The following GPR158 variants were observed in gnomAD, a reference collection of about 807,000 sequenced individuals.
GPR158 encodes the protein G protein-coupled receptor 158.
A neutral mutation model predicts 78.2 loss-of-function variants in GPR158; 30 were observed. The observed-to-expected ratio is 0.38, with a 90% CI of 0.29 to 0.52. The LOEUF (loss-of-function observed/expected upper bound fraction) is 0.52. Ranked by LOEUF, GPR158 falls within the 20% of genes least tolerant of loss-of-function variation. The pLI, the probability that GPR158 is intolerant of heterozygous loss-of-function variation, is 0.83. For missense variants in GPR158, 1,463 were observed against 1,523.5 expected, an observed-to-expected ratio of 0.96 and a Z score of 0.66; for synonymous variants, 581 against 591.1, an observed-to-expected ratio of 0.98 and a Z score of 0.25.
In GPR158 at chr10:25,196,229, TA is replaced by T. The variant is rs914573569; in HGVS notation, c.902+19917del. Among the ~76,000 whole-genome samples, 235 of 149,560 alleles carry T rather than the reference TA, an allele frequency of 1.6e-3. 1 individual carries two copies. The highest frequency in any genetic ancestry group is 6.8e-3 in the Middle Eastern group (2 of 294). Reference sequence around the variant, plus strand: ...TTAACTTTTCTTTCATTTTCTCCTTTAAAAAAAAAACTTCTGAGAGATTTTA... The same window carrying T: ...TTAACTTTTCTTTCATTTTCTCCTTTAAAAAAAAACTTCTGAGAGATTTTA... On this transcript the variant is annotated intron_variant, in intron 1 of 10. Coordinates refer to ENST00000376351, the MANE Select transcript of GPR158 (RefSeq NM_020752.3).
At chr10:25,191,002 C>G (rs573495286) in intron 1 of GPR158, among the ~76,000 whole-genome samples, 22 of 152,232 alleles carry the variant, frequency 1.4e-4, no homozygotes, top group African/African-American at 4.1e-4. Flanking sequence ...ATAAGGTAAA[C>G]TTTTAGGATG....
chr10:25,335,423 T>A (rs1409605626), intron 2 of GPR158, among the ~76,000 whole-genome samples: 3 of 152,118 alleles, frequency 2.0e-5, no homozygotes, highest in Non-Finnish European at 4.4e-5. Flanking sequence ...AATAACTTGT[T>A]GACTTTTATA....
chr10:25,414,424 A>G (rs1484126146), intron 4 of GPR158, among the ~76,000 whole-genome samples: 1 of 152,172 alleles, frequency 6.6e-6, no homozygotes, highest in East Asian at 1.9e-4. Context: ...TAAATTAAAC[A>G]TTATCTAGTT....
At chr10:25,481,051 CA>C (rs900811578) in intron 5 of GPR158, among the ~76,000 whole-genome samples, 3 of 152,184 alleles carry the variant, frequency 2.0e-5, no homozygotes, top group East Asian at 3.9e-4. Flanking sequence ...GGCAACACAG[CA>C]AAATAAATAA....
At chr10:25,323,527 G>GTT (rs1854985928) in intron 2 of GPR158, among the ~76,000 whole-genome samples, 1 of 144,750 alleles carries the variant, frequency 6.9e-6, no homozygotes, top group Middle Eastern at 3.4e-3. Flanking sequence ...ATCTTAGGTA[G>GTT]ATTTTTTTTT....
chr10:25,286,827 C>T (rs1241493391), intron 2 of GPR158, among the ~76,000 whole-genome samples: 2 of 152,068 alleles, frequency 1.3e-5, no homozygotes, highest in African/African-American at 4.8e-5. Context: ...ACCAGCTTGC[C>T]ATTTCAGTAG....
At chr10:25,296,778 C>T (rs1264267614) in intron 2 of GPR158, among the ~76,000 whole-genome samples, 1 of 152,112 alleles carries the variant, frequency 6.6e-6, no homozygotes, top group Non-Finnish European at 1.5e-5. Flanking sequence ...AGGAAAGTGA[C>T]ACAGAGGGGC....
intron 5 of GPR158, among the ~76,000 whole-genome samples, chr10:25,533,778 T>G (rs765072384): frequency 3.3e-5 from 5 of 152,108 alleles, no homozygotes. Flanking sequence ...ACTCTGTCCT[T>G]CCTTTGTAAA....
At chr10:25,216,135 T>C (rs1373944258) in intron 1 of GPR158, among the ~76,000 whole-genome samples, 1 of 152,194 alleles carries the variant, frequency 6.6e-6, no homozygotes, top group African/African-American at 2.4e-5. Context: ...AGCATAGATT[T>C]AGAGTTTTTA....
chr10:25,414,258 G>A (rs145622025), intron 4 of GPR158, among the ~76,000 whole-genome samples: 9 of 152,182 alleles, frequency 5.9e-5, no homozygotes, highest in South Asian at 2.1e-4. Context: ...TAGCATTGCC[G>A]GTTATTAAAC....
At chr10:25,211,803 T>C (rs1853134987) in intron 1 of GPR158, among the ~76,000 whole-genome samples, 1 of 152,206 alleles carries the variant, frequency 6.6e-6, no homozygotes, top group South Asian at 2.1e-4. Context: ...AGTGATCCAC[T>C]TATTATATTT....
intron 4 of GPR158, among the ~76,000 whole-genome samples, chr10:25,424,125 A>G (rs1179152502): frequency 2.0e-5 from 3 of 152,142 alleles, no homozygotes; most frequent in Non-Finnish European, 2.9e-5. Context: ...CATTTCTCTG[A>G]TGGCCGGTGA....
intron 5 of GPR158, among the ~76,000 whole-genome samples, chr10:25,535,753 A>G (rs1374497886): frequency 2.0e-5 from 3 of 152,168 alleles, no homozygotes; most frequent in African/African-American, 7.2e-5. Context: ...TGCTTCGACA[A>G]AGCTCAGTTT....
At chr10:25,546,066 A>AC (rs1460191829) in intron 5 of GPR158, among the ~76,000 whole-genome samples, 1 of 152,124 alleles carries the variant, frequency 6.6e-6, no homozygotes, top group African/African-American at 2.4e-5. Flanking sequence ...GAGAGTCATG[A>AC]ATGCCCGCCC....
intron 5 of GPR158, among the ~76,000 whole-genome samples, chr10:25,531,246 A>G (rs1836418708): frequency 6.6e-6 from 1 of 152,224 alleles, no homozygotes; most frequent in South Asian, 2.1e-4. Context: ...CCTTTGACAC[A>G]TTCAGTTATG....
chr10:25,279,366 C>T lies in GPR158; in HGVS notation c.1008+58209C>T, dbSNP rs138229319. On this transcript the variant is annotated intron_variant, in intron 2 of 10. Transcript: ENST00000376351. ...AGAATCCACAGAAGTGACACTGCAG[C>T]GGGATAATTAAGGAACCAGAGAGAC... Among the ~76,000 whole-genome samples, 445 of 152,086 alleles carry T rather than the reference C, an allele frequency of 2.9e-3. 1 individual carries two copies. Among genetic ancestry groups the T allele is most frequent in the African/African-American group, 0.01 (419 of 41,482 alleles).
At chr10:25,354,387 C>T (rs1228300458) in intron 2 of GPR158, among the ~76,000 whole-genome samples, 1 of 150,804 alleles carries the variant, frequency 6.6e-6, no homozygotes, top group South Asian at 2.1e-4. Context: ...AAGGAGAGGA[C>T]AACTTACCTT....
At chr10:25,192,412 T>G (rs1852784615) in intron 1 of GPR158, among the ~76,000 whole-genome samples, 1 of 152,152 alleles carries the variant, frequency 6.6e-6, no homozygotes, top group African/African-American at 2.4e-5. Context: ...CAGTGTCTCT[T>G]GAAAATACCT....
chr10:25,338,206 A>T (rs1588807732), intron 2 of GPR158, among the ~76,000 whole-genome samples: 1 of 151,260 alleles, frequency 6.6e-6, no homozygotes, highest in Admixed American at 6.6e-5. Context: ...CTAAGATTAT[A>T]AATATAGTCT....
Sources: allele counts gnomAD v4.1 joint callset (sites outside exome capture counted in the v4.1 genomes callset), GRCh38; gene constraint gnomAD v4.1.1; transcripts MANE v1.5; gene names NCBI Gene and HGNC (gene_info 2026-07-23, HGNC 2026-07-21).